Variants in CSMD1 observed in about 807,000 individuals in gnomAD.
The protein encoded by CSMD1 is CUB and Sushi multiple domains 1.
A neutral mutation model predicts 417.5 loss-of-function variants in CSMD1; 213 were observed. That is an observed-to-expected ratio of 0.51 (90% confidence interval 0.46 to 0.57). The LOEUF is 0.57. Among genes scored for constraint, CSMD1 ranks in the 20% least tolerant of loss-of-function variants. CSMD1 has a pLI of 0.00. For missense variants in CSMD1, 6,923 were observed against 4,529.7 expected (o/e 1.53, Z -15.17); for synonymous variants, 2,862 against 1,736.8 (o/e 1.65, Z -16.11).
chr8:4,455,497 T>C (rs1799411025), intron 2 of CSMD1, among the ~76,000 whole-genome samples: 1 of 152,142 alleles, frequency 6.6e-6, no homozygotes, highest in Admixed American at 6.5e-5. Context: ...AGGAAGCTGG[T>C]TTCCATTTGT....
At chr8:4,107,632 A>G (rs1332806620) in intron 3 of CSMD1, among the ~76,000 whole-genome samples, 1 of 152,196 alleles carries the variant, frequency 6.6e-6, no homozygotes, top group Non-Finnish European at 1.5e-5. Context: ...TGCATGTACA[A>G]TGAGCACCAC....
At chr8:3,806,219 C>T (rs1230075294) in intron 5 of CSMD1, among the ~76,000 whole-genome samples, 1 of 152,148 alleles carries the variant, frequency 6.6e-6, no homozygotes, top group East Asian at 1.9e-4. Context: ...ATTTTTCTTC[C>T]TCTCAGATTA....
At chr8:4,558,457 T>A (rs911405493) in intron 2 of CSMD1, among the ~76,000 whole-genome samples, 5 of 152,218 alleles carry the variant, frequency 3.3e-5, no homozygotes, top group Non-Finnish European at 7.3e-5. Flanking sequence ...AAGTGAGGGT[T>A]GCAGTTTGAC....
At chr8:3,555,827 G>A (rs1799119080) in intron 10 of CSMD1, among the ~76,000 whole-genome samples, 1 of 152,052 alleles carries the variant, frequency 6.6e-6, no homozygotes, top group Non-Finnish European at 1.5e-5. Flanking sequence ...AAAATCTTCG[G>A]TGCCAAAAGT....
chr8:4,166,303 T>A (rs1797452608), intron 3 of CSMD1, among the ~76,000 whole-genome samples: 1 of 152,350 alleles, frequency 6.6e-6, no homozygotes, highest in South Asian at 2.1e-4. Flanking sequence ...GAATATTTTG[T>A]ATTATCTTTT....
chr8:3,432,817 A>C (rs12544202), intron 12 of CSMD1, among the ~76,000 whole-genome samples: 1 of 152,242 alleles, frequency 6.6e-6, no homozygotes, highest in South Asian at 2.1e-4. Flanking sequence ...CATGGCCAAC[A>C]TGGGCTTATT....
At chr8:4,959,711 A>G (rs932169295) in intron 1 of CSMD1, among the ~76,000 whole-genome samples, 4 of 152,312 alleles carry the variant, frequency 2.6e-5, no homozygotes, top group Admixed American at 2.0e-4. Context: ...CTCTCAGTTC[A>G]CGGAATGTCA....
chr8:3,147,715 G>C (rs911333071), intron 40 of CSMD1, among the ~76,000 whole-genome samples: 16 of 152,294 alleles, frequency 1.1e-4, no homozygotes, highest in African/African-American at 3.6e-4. Flanking sequence ...TAGGGTCTAA[G>C]GCAATCAAGT....
chr8:4,537,519 C>G (rs562109105), intron 2 of CSMD1, among the ~76,000 whole-genome samples: 1 of 152,092 alleles, frequency 6.6e-6, no homozygotes, highest in African/African-American at 2.4e-5. Context: ...TTATTACAGA[C>G]TAGTTTTAAT....
chr8:4,270,224 C>T (rs933555343), intron 3 of CSMD1, among the ~76,000 whole-genome samples: 1 of 152,114 alleles, frequency 6.6e-6, no homozygotes. Context: ...GCAAATCACA[C>T]CAGGCATTTC....
At chr8:3,654,714 T>C (rs566832178) in intron 7 of CSMD1, among the ~76,000 whole-genome samples, 69 of 152,296 alleles carry the variant, frequency 4.5e-4, no homozygotes, top group African/African-American at 1.3e-3. Flanking sequence ...CAGGGACACA[T>C]TGGGCATCTC....
At chr8:4,874,438 G>GGTAT (rs1802920328) in intron 1 of CSMD1, among the ~76,000 whole-genome samples, 1 of 143,580 alleles carries the variant, frequency 7.0e-6, no homozygotes, top group Non-Finnish European at 1.5e-5. Flanking sequence ...CACCCAGGCT[G>GGTAT]GCATGCAGTG....
intron 2 of CSMD1, among the ~76,000 whole-genome samples, chr8:4,454,373 C>G (rs1225200287): frequency 2.6e-5 from 4 of 152,118 alleles, no homozygotes; most frequent in Non-Finnish European, 4.4e-5. Context: ...ACACATACCT[C>G]TTGATTTTCA....
intron 5 of CSMD1, among the ~76,000 whole-genome samples, chr8:3,853,702 C>T (rs1291091834): frequency 6.6e-6 from 1 of 151,920 alleles, no homozygotes; most frequent in East Asian, 1.9e-4. Flanking sequence ...GGATAAGCCT[C>T]AGTAAAGAAA....
intron 2 of CSMD1, among the ~76,000 whole-genome samples, chr8:4,441,398 C>G (rs1405736437): frequency 6.6e-6 from 1 of 151,282 alleles, no homozygotes; most frequent in Non-Finnish European, 1.5e-5. Flanking sequence ...CAGGCATGAG[C>G]CAACTCACCC....
chr8:3,124,388 T>C (rs1246591586), intron 41 of CSMD1, among the ~76,000 whole-genome samples: 1 of 152,198 alleles, frequency 6.6e-6, no homozygotes. Flanking sequence ...AAAGAAAATA[T>C]AAAACCTGGT....
intron 3 of CSMD1, among the ~76,000 whole-genome samples, chr8:4,110,925 G>A (rs973212262): frequency 6.6e-6 from 1 of 152,016 alleles, no homozygotes; most frequent in Non-Finnish European, 1.5e-5. Flanking sequence ...TGACATTCTA[G>A]AAGTACTCAG....
chr8:4,371,882 G>C (rs1357808859), intron 3 of CSMD1, among the ~76,000 whole-genome samples: 2 of 152,236 alleles, frequency 1.3e-5, no homozygotes, highest in African/African-American at 2.4e-5. Flanking sequence ...GTGGACTGTG[G>C]AGGCCATGCA....
intron 3 of CSMD1, among the ~76,000 whole-genome samples, chr8:4,200,128 T>G (rs1799563922): frequency 6.6e-6 from 1 of 152,228 alleles, no homozygotes; most frequent in Non-Finnish European, 1.5e-5. Flanking sequence ...TGAATGAGAT[T>G]TCCTTCCTTT....
Sources: allele counts gnomAD v4.1 joint callset (sites outside exome capture counted in the v4.1 genomes callset), GRCh38; gene constraint gnomAD v4.1.1; transcripts MANE v1.5; gene names NCBI Gene and HGNC (gene_info 2026-07-23, HGNC 2026-07-21).